Variants in MYH1 observed in about 807,000 individuals in gnomAD.
MYH1 encodes myosin-1.
Under a neutral mutation model 225.6 loss-of-function variants are expected in MYH1, and 214 were observed. That is an observed-to-expected ratio of 0.95 (90% CI 0.85 to 1.06). MYH1 has a LOEUF of 1.06. Among genes scored for constraint, MYH1 ranks in the 50% least tolerant of loss-of-function variants. The pLI is 0.00. For synonymous variants in MYH1, 774 were observed against 842.3 expected (o/e 0.92, Z 1.40); for missense variants, 2,098 against 2,344.2 (o/e 0.89, Z 2.17).
chr17:10,500,700 T>G lies in MYH1; in HGVS notation c.3791A>C (p.Lys1264Thr), dbSNP rs1209300458. The G allele has an allele frequency of 6.2e-7, 1 of 1,614,192 alleles. No homozygotes were observed. Among genetic ancestry groups the G allele is most frequent in the East Asian group, 2.2e-5 (1 of 44,888 alleles). Reference protein sequence around the residue: ...RALEDQLSEIKTKEEEQQRLI... With the variant: ...RALEDQLSEITTKEEEQQRLI... ...CCGCTGCTGCTCCTCTTCCTTGGTC[T>G]TAATTTCACTCAGTTGATCTTCTAG... The change falls in exon 28 of 40, where the codon AAG becomes ACG. Residue 1264 changes from lysine to threonine, a missense_variant. Coordinates refer to ENST00000226207, the MANE Select transcript of MYH1 (RefSeq NM_005963.4).
Position 10,498,729 on chromosome 17 carries a change from C to T in MYH1, c.4078G>A (p.Glu1360Lys), listed in dbSNP as rs747802188. The change falls in exon 30 of 40, where the codon GAG becomes AAG. Residue 1360 changes from glutamate (E) to lysine (K), a missense_variant. Glu to Lys is a moderately conservative substitution (Grantham distance 56). Coordinates refer to ENST00000226207, the MANE Select transcript of MYH1 (RefSeq NM_005963.4). The part of the protein sequence containing the change: ...QYEEEQEAKA[E>K]LQRAMSKANS... Reference sequence around the variant, plus strand: ...GCCTTGGACATTGCTCTCTGTAGCTCGGCCTTGGCTTCCTGCTCCTCCTCA... The same window carrying T: ...GCCTTGGACATTGCTCTCTGTAGCTTGGCCTTGGCTTCCTGCTCCTCCTCA... 18 of 1,614,028 alleles carry T rather than the reference C, an allele frequency of 1.1e-5. No homozygotes were observed. Among genetic ancestry groups the T allele is most frequent in the East Asian group, 6.7e-5 (3 of 44,902 alleles).
chr17:10,492,590 T>C (rs780680292), intron 39 of MYH1, 22 bp from the exon 40 acceptor site: 1 of 1,594,718 alleles, frequency 6.3e-7, no homozygotes, highest in African/African-American at 1.3e-5. Context: ...AATCCATTTA[T>C]GAGGGAAGAA....
Position 10,505,975 on chromosome 17 carries a change from C to T in MYH1, c.2056+37G>A, listed in dbSNP as rs767527442. ...GCCATACTTCGTGGTCTATCACACA[C>T]ACACTGGAGCTTGTCTGGATATCAG... On this transcript the variant is annotated intron_variant, in intron 18 of 39. Coordinates refer to ENST00000226207, the MANE Select transcript of MYH1 (RefSeq NM_005963.4). 12 of 1,614,166 alleles carry T rather than the reference C, an allele frequency of 7.4e-6. No individual in the cohort carries two copies. The South Asian group carries it at 1.3e-4, about 18-fold the overall frequency.
chr17:10,509,513 A>G lies in MYH1; in HGVS notation c.1559T>C (p.Leu520Pro). The stretch of plus-strand genomic sequence containing the variant: ...CTCGATGAGCTCGATGCAGGCAGCC[A>G]GGTCCATCCCAAAGTCAATGAACGT... Reference protein sequence around the residue: ...EWTFIDFGMDLAACIELIEKP... With the variant: ...EWTFIDFGMDPAACIELIEKP... Residue 520 changes from leucine to proline, a missense_variant, in exon 15 of 40, where the codon CTG (leucine) becomes CCG (proline). Physicochemically the swap from Leu to Pro is moderately conservative, Grantham distance 98. Transcript: ENST00000226207. The G allele has an allele frequency of 6.2e-7, 1 of 1,614,200 alleles. No homozygotes were observed. Among genetic ancestry groups the G allele is most frequent in the Non-Finnish European group, 8.5e-7 (1 of 1,180,040 alleles).
At position 10,501,631 on chromosome 17, in the gene MYH1, A is replaced by C; in HGVS notation, c.3311T>G (p.Leu1104Arg). The change falls in exon 26 of 40, where the codon CTT (leucine) becomes CGT (arginine). Residue 1104 changes from leucine to arginine, a missense_variant. By Grantham distance (102) the Leu-to-Arg change is moderately radical. Transcript: ENST00000226207. The part of the protein sequence containing the change: ...LQSKIEDEQA[L>R]GMQLQKKIKE... ...GATTTTCTTCTGCAGCTGCATACCAAGGGCTTGTTCATCTTCAATCTTGCT... is the reference window on the plus strand; with the variant it reads ...GATTTTCTTCTGCAGCTGCATACCACGGGCTTGTTCATCTTCAATCTTGCT... 6.2e-7 allele frequency: 1 copy of C among 1,614,226 alleles called. No homozygotes were observed. Among genetic ancestry groups the C allele is most frequent in the South Asian group, 1.1e-5 (1 of 91,090 alleles).
chr17:10,514,005 C>T lies in MYH1; in HGVS notation c.648+5G>A. On this transcript the variant is annotated splice_donor_5th_base_variant and intron_variant, in intron 7 of 39. Transcript: ENST00000226207. ...GCCTGGATTCTGACTAACAATCAGA[C>T]TCACCTGCATTTTGCCAGAAGTAAC... 2 of 1,614,114 alleles carry T rather than the reference C, an allele frequency of 1.2e-6. No homozygotes were observed. The highest frequency in any genetic ancestry group is 1.7e-6 in the Non-Finnish European group (2 of 1,179,934).
In MYH1 at chr17:10,501,846, T is replaced by C; in HGVS notation, c.3177A>G (p.Leu1059=). 1 of 1,613,644 alleles carries C rather than the reference T, an allele frequency of 6.2e-7. No homozygotes were observed. Among genetic ancestry groups the C allele is most frequent in the Non-Finnish European group, 8.5e-7 (1 of 1,179,662 alleles). ...RMDLERAKRK[L]EGDLKLAQES... is the part of the protein sequence containing the mutation. ...CTTGAGCCAATTTTAGGTCTCCCTC[T>C]AGTTTTCTCTTTGCTCTTTCTAGAT... is the stretch of plus-strand genomic sequence containing the variant. The change falls in exon 25 of 40, where the codon CTA becomes CTG. Residue 1059 remains leucine, a synonymous_variant. Transcript: ENST00000226207.
Position 10,499,222 on chromosome 17 carries a change from C to T in MYH1, c.3866-130G>A, listed in dbSNP as rs543607485. On this transcript the variant is annotated intron_variant, in intron 28 of 39. Transcript: ENST00000226207. The stretch of plus-strand genomic sequence containing the variant: ...GGCATGGGTGACAACAAACCACCAA[C>T]ATCCGCTTTAACCTTGATAAGCAGA... 2.4e-4 allele frequency: 183 copies of T among 756,856 alleles called. 2 individuals carry two copies. The South Asian group carries it at 2.7e-3, about 11-fold the overall frequency. 46.9% of individuals were successfully genotyped at this position (756,856 alleles called of 1,614,324 possible). A position where few individuals can be genotyped will look rare whatever the true frequency, so the allele number is the denominator to read the frequency against.
chr17:10,508,749 C>T (rs2142272697), intron 15 of MYH1, 77 bp from the exon 16 acceptor site: 1 of 1,533,038 alleles, frequency 6.5e-7, no homozygotes, highest in Non-Finnish European at 8.8e-7. Context: ...TAATAATTAT[C>T]CCATCTGAGT....
intron 9 of MYH1, 135 bp downstream of exon 9, chr17:10,513,491 A>G (rs957751828): frequency 2.3e-6 from 2 of 858,760 alleles, no homozygotes; most frequent in South Asian, 3.1e-5. Context: ...TATGGATAAG[A>G]CTGACATTAA....
rs1225115327 is a variant in MYH1, at chr17:10,497,067, A to T, written c.4656+2T>A. The T allele has an allele frequency of 1.9e-6, 3 of 1,611,978 alleles. No individual in the cohort carries two copies. The African/African-American group carries it at 4.0e-5, about 22-fold the overall frequency. ...TTTTAGAGTATGCAATAAAATGCTT[A>T]CCTCTGCCTCCTCTAAGGCAGCCTG... On this transcript the variant is annotated splice_donor_variant, in intron 33 of 39. Coordinates refer to ENST00000226207, the MANE Select transcript of MYH1 (RefSeq NM_005963.4). LOFTEE classifies it high-confidence loss of function.
Position 10,497,901 on chromosome 17 carries a change from G to T in MYH1, c.4198C>A (p.Arg1400Ser). 11 of 1,598,570 alleles carry T rather than the reference G, an allele frequency of 6.9e-6. No individual in the cohort carries two copies. Among genetic ancestry groups the T allele is most frequent in the Non-Finnish European group, 8.5e-6 (10 of 1,176,092 alleles). Residue 1400 changes from arginine to serine, a missense_variant, in exon 31 of 40, where the codon CGT becomes AGT. Coordinates refer to ENST00000226207, the MANE Select transcript of MYH1 (RefSeq NM_005963.4). ...ACATGTTCCTCAGCATCCTGCAGACGCTGAGCCAGCTTCTTCCTATGAAAT... is the reference window on the plus strand; with the variant it reads ...ACATGTTCCTCAGCATCCTGCAGACTCTGAGCCAGCTTCTTCCTATGAAAT... ...LEEAKKKLAQRLQDAEEHVEA... is the reference protein window; with the variant it reads ...LEEAKKKLAQSLQDAEEHVEA...
rs745553437 is a variant in MYH1, at chr17:10,503,268, A to G, written c.2692-20T>C. 1.2e-6 allele frequency: 2 copies of G among 1,600,988 alleles called. No homozygotes were observed. The highest frequency in any genetic ancestry group is 1.7e-6 in the Non-Finnish European group (2 of 1,175,936). On this transcript the variant is annotated intron_variant, in intron 22 of 39. Coordinates refer to ENST00000226207, the MANE Select transcript of MYH1 (RefSeq NM_005963.4). ...AGCTTCCTGAGAAGAGGCAATAGATATTTTAGATTTTATGAAAATTCCTAG... is the reference window on the plus strand; with the variant it reads ...AGCTTCCTGAGAAGAGGCAATAGATGTTTTAGATTTTATGAAAATTCCTAG...
chr17:10,501,911 G>A lies in MYH1; in HGVS notation c.3112C>T (p.Leu1038Phe), dbSNP rs765051549. Residue 1038 changes from leucine to phenylalanine, a missense_variant and splice_region_variant, in exon 25 of 40, where the codon CTT becomes TTT. Physicochemically the swap from Leu to Phe is conservative, Grantham distance 22. Transcript: ENST00000226207. ...KIKLEQQVDD[L>F]EGSLEQEKKI... ...TTTTCTTGTTCCAAAGATCCTTCAA[G>A]CTAAAAGTTAATAATCCATGAATAT... is the stretch of plus-strand genomic sequence containing the variant. 3 of 1,600,188 alleles carry A rather than the reference G, an allele frequency of 1.9e-6. No homozygotes were observed. The highest frequency in any genetic ancestry group is 2.6e-6 in the Non-Finnish European group (3 of 1,176,408).
At chr17:10,515,175 A>G (rs907108315) in intron 5 of MYH1, among the ~76,000 whole-genome samples, 1 of 152,250 alleles carries the variant, frequency 6.6e-6, no homozygotes, top group African/African-American at 2.4e-5. Context: ...GGCTTGGACT[A>G]TTATTTAATA....
At chr17:10,512,278 T>C in intron 12 of MYH1, 86 bp from the exon 13 acceptor site, 2 of 1,589,254 alleles carry the variant, frequency 1.3e-6, no homozygotes, top group Non-Finnish European at 1.7e-6. Context: ...AATAACTTTG[T>C]AGAAAGTCTG....
At chr17:10,498,161 C>T (rs2073015659) in intron 30 of MYH1, among the ~76,000 whole-genome samples, 1 of 152,222 alleles carries the variant, frequency 6.6e-6, no homozygotes, top group Admixed American at 6.5e-5. Context: ...CAAGCATGAG[C>T]TAACACTTTA....
intron 24 of MYH1, among the ~76,000 whole-genome samples, chr17:10,502,419 T>G (rs970333387): frequency 6.6e-6 from 1 of 152,214 alleles, no homozygotes; most frequent in Non-Finnish European, 1.5e-5. Context: ...CTTCTTTCTT[T>G]TTGCACATAG....
At chr17:10,510,091 C>T (rs1019882348) in intron 14 of MYH1, among the ~76,000 whole-genome samples, 3 of 151,902 alleles carry the variant, frequency 2.0e-5, no homozygotes, top group African/African-American at 7.3e-5. Flanking sequence ...AGGCTTCATA[C>T]GTGGGCGACA....
Sources: gnomAD v4.1 joint callset for allele counts (sites outside exome capture counted in the v4.1 genomes callset) on GRCh38, gnomAD v4.1.1 for gene constraint, MANE v1.5 for transcripts, NCBI Gene and HGNC (gene_info 2026-07-23, HGNC 2026-07-21) for gene names.